Variants in STEEP1 observed in about 807,000 individuals in gnomAD.
The protein encoded by STEEP1 is STING1 ER exit protein 1, also known as STING ER exit protein.
Under a neutral mutation model 19.2 loss-of-function variants are expected in STEEP1, and 3 were observed. That is an observed-to-expected ratio of 0.16 (90% CI 0.07 to 0.40). The LOEUF is 0.40. Among genes scored for constraint, STEEP1 ranks in the 10% least tolerant of loss-of-function variants. STEEP1 has a pLI of 0.99. For synonymous variants in STEEP1, 46 were observed against 63.7 expected, an observed-to-expected ratio of 0.72 and a Z score of 1.32; for missense variants, 54 against 177.1, an observed-to-expected ratio of 0.30 and a Z score of 3.94.
rs200629919 is a variant in STEEP1, at chrX:119,544,378, G to A, written c.398C>T (p.Thr133Ile). Residue 133 changes from threonine to isoleucine, a missense_variant, in exon 4 of 7, where the codon ACT (threonine) becomes ATT (isoleucine). Coordinates refer to ENST00000644802, the MANE Select transcript of STEEP1 (RefSeq NM_022101.4). Reference protein sequence around the residue: ...GQGFGKTNIYTQKQEPPKKVM... With the variant: ...GQGFGKTNIYIQKQEPPKKVM... ...CTTCTTAGGAGGCTCTTGTTTCTGAGTATATATGTTCGTTTTCCCAAAGCC... is the reference window on the plus strand; with the variant it reads ...CTTCTTAGGAGGCTCTTGTTTCTGAATATATATGTTCGTTTTCCCAAAGCC... 1.1e-5 allele frequency: 13 copies of A among 1,204,967 alleles called. No homozygotes were observed. The Admixed American group carries it at 2.4e-4, about 22-fold the overall frequency.
At chrX:119,552,805 C>A (rs1426945444) in intron 2 of STEEP1, among the ~76,000 whole-genome samples, 1 of 112,248 alleles carries the variant, frequency 8.9e-6, no homozygotes, top group Non-Finnish European at 1.9e-5. Context: ...ATACTAAAAC[C>A]ACTGAATCAT....
chrX:119,549,395 T>C (rs1031194124), intron 2 of STEEP1, among the ~76,000 whole-genome samples: 11 of 111,724 alleles, frequency 9.8e-5, no homozygotes, highest in African/African-American at 3.6e-4. Flanking sequence ...CACATCATAT[T>C]GATAGAAGGA....
At chrX:119,540,105 C>T (rs566138042) in intron 6 of STEEP1, among the ~76,000 whole-genome samples, 57 of 111,803 alleles carry the variant, frequency 5.1e-4, no homozygotes, top group African/African-American at 1.8e-3. Flanking sequence ...TACCAGTATG[C>T]TATTCTTGGC....
intron 2 of STEEP1, among the ~76,000 whole-genome samples, chrX:119,556,166 C>T (rs939984931): frequency 1.8e-5 from 2 of 111,101 alleles, no homozygotes; most frequent in Admixed American, 1.9e-4. Flanking sequence ...GGCTTGAAGT[C>T]ACCCATCAGC....
In STEEP1 at chrX:119,538,801, C is replaced by A. The variant is rs2053141718; in HGVS notation, c.*926G>T. The A allele has an allele frequency of 9.0e-6, 1 of 111,465 alleles. No homozygotes were observed. The highest frequency in any genetic ancestry group is 3.3e-5 in the African/African-American group (1 of 30,657). The allele number at this position is 111,465 out of a possible 1,213,427, so 9.2% of individuals were successfully genotyped here. On this transcript the variant is annotated 3_prime_UTR_variant, in exon 7 of 7. Coordinates refer to ENST00000644802, the MANE Select transcript of STEEP1 (RefSeq NM_022101.4). Reference sequence around the variant, plus strand: ...AGCTGTCCTACCCACTCACTGCAATCTGGCTTTTCCTTCTTTGAGTATAAA... The same window carrying A: ...AGCTGTCCTACCCACTCACTGCAATATGGCTTTTCCTTCTTTGAGTATAAA...
At position 119,560,183 on chromosome X, in the gene STEEP1, C is replaced by T. The variant is rs1183416001; in HGVS notation, c.242+85G>A. The T allele has an allele frequency of 1.2e-5, 8 of 674,057 alleles. No individual in the cohort carries two copies. The African/African-American group carries it at 1.7e-4, about 14-fold the overall frequency. 55.5% of individuals were successfully genotyped at this position (674,057 alleles called of 1,213,427 possible). On this transcript the variant is annotated intron_variant, in intron 2 of 6. Transcript: ENST00000644802. The stretch of plus-strand genomic sequence containing the variant: ...AAGTATTGGGACCAACTGACCTGTT[C>T]AACAATAGATGTGATATTTATATTA...
rs1456448854 is a variant in STEEP1, at chrX:119,538,521, C to T, written c.*1206G>A. ...CAATCTCAGCTCACTGCAACCTCCA[C>T]CTCCCGAGTTCAAGCAATTCTCCTG... is the stretch of plus-strand genomic sequence containing the variant. On this transcript the variant is annotated 3_prime_UTR_variant, in exon 7 of 7. Transcript: ENST00000644802. 1.9e-5 allele frequency: 2 copies of T among 106,455 alleles called. No homozygotes were observed. Among genetic ancestry groups the T allele is most frequent in the Middle Eastern group, 4.3e-3 (1 of 235 alleles). The allele number at this position is 106,455 out of a possible 1,213,427, so 8.8% of individuals were successfully genotyped here.
intron 2 of STEEP1, among the ~76,000 whole-genome samples, chrX:119,552,513 A>AG (rs1272251172): frequency 2.7e-5 from 3 of 112,523 alleles, no homozygotes; most frequent in Non-Finnish European, 5.6e-5. Flanking sequence ...GGGTGAGCTA[A>AG]GGGGCAAGGG....
intron 3 of STEEP1, among the ~76,000 whole-genome samples, chrX:119,544,997 C>T (rs768167813): frequency 9.1e-6 from 1 of 110,256 alleles, no homozygotes; most frequent in Admixed American, 9.7e-5. Context: ...TTTGACTAGC[C>T]TCTTTGGGGA....
chrX:119,541,728 G>GT (rs764099696), intron 5 of STEEP1, among the ~76,000 whole-genome samples: 17 of 111,017 alleles, frequency 1.5e-4, no homozygotes, highest in African/African-American at 5.2e-4. Context: ...TAGCATTTAC[G>GT]TTTTAACCAA....
intron 2 of STEEP1, among the ~76,000 whole-genome samples, chrX:119,557,466 C>A: frequency 1.4e-5 from 1 of 73,504 alleles, no homozygotes; most frequent in African/African-American, 5.7e-5. Flanking sequence ...GGCATGGTAG[C>A]ACACACCATC....
At chrX:119,564,579 A>G (rs1475216333) in intron 1 of STEEP1, among the ~76,000 whole-genome samples, 1 of 110,842 alleles carries the variant, frequency 9.0e-6, no homozygotes, top group Non-Finnish European at 1.9e-5. Context: ...AACATGTTGC[A>G]AAAGGAATGA....
At chrX:119,548,086 C>T (rs947862657) in intron 2 of STEEP1, among the ~76,000 whole-genome samples, 1 of 110,892 alleles carries the variant, frequency 9.0e-6, no homozygotes, top group Admixed American at 9.7e-5. Context: ...ACAGGAGAAT[C>T]GCTTGAACCT....
intron 2 of STEEP1, among the ~76,000 whole-genome samples, chrX:119,559,526 C>T (rs1480962618): frequency 1.8e-5 from 2 of 111,189 alleles, no homozygotes; most frequent in Non-Finnish European, 3.8e-5. Context: ...GGACAAATGA[C>T]CCACTCCCAC....
chrX:119,542,267 C>T (rs1307299723), intron 5 of STEEP1, among the ~76,000 whole-genome samples: 1 of 108,580 alleles, frequency 9.2e-6, no homozygotes, highest in Non-Finnish European at 1.9e-5. Flanking sequence ...GGGGTTTCAC[C>T]ATGTTGGCCA....
chrX:119,557,381 T>G lies in STEEP1; in HGVS notation c.242+2887A>C, dbSNP rs571765905. Among the ~76,000 whole-genome samples the G allele has an allele frequency of 1.3e-4, 14 of 103,849 alleles. No individual in the cohort carries two copies. The South Asian group carries it at 6.2e-3, about 46-fold the overall frequency. 90.2% of individuals were successfully genotyped at this position (103,849 alleles called of 115,157 possible). Reference sequence around the variant, plus strand: ...GGGAGGCCGAGGTGGGAGGATCACTTGAGTCCAAGAGTTTGAGACCAGCCT... The same window carrying G: ...GGGAGGCCGAGGTGGGAGGATCACTGGAGTCCAAGAGTTTGAGACCAGCCT... On this transcript the variant is annotated intron_variant, in intron 2 of 6. Coordinates refer to ENST00000644802, the MANE Select transcript of STEEP1 (RefSeq NM_022101.4).
At chrX:119,555,426 T>G (rs2053272541) in intron 2 of STEEP1, among the ~76,000 whole-genome samples, 1 of 110,551 alleles carries the variant, frequency 9.0e-6, no homozygotes, top group African/African-American at 3.3e-5. Flanking sequence ...TGGGCTAGAC[T>G]CCTCCCCACT....
intron 2 of STEEP1, among the ~76,000 whole-genome samples, chrX:119,550,379 G>T (rs1195256011): frequency 8.9e-6 from 1 of 111,760 alleles, no homozygotes; most frequent in African/African-American, 3.3e-5. Context: ...CAGGTCAATG[G>T]AATAGAACTG....
chrX:119,547,353 T>C (rs1014648488), intron 2 of STEEP1, among the ~76,000 whole-genome samples: 4 of 112,092 alleles, frequency 3.6e-5, no homozygotes, highest in Non-Finnish European at 5.6e-5. Context: ...TTTCTCTCTA[T>C]AGAAGTTGAA....
Sources: allele counts gnomAD v4.1 joint callset (sites outside exome capture counted in the v4.1 genomes callset), GRCh38; gene constraint gnomAD v4.1.1; transcripts MANE v1.5; gene names NCBI Gene and HGNC (gene_info 2026-07-23, HGNC 2026-07-21).